STMND1: variants seen among roughly 807,000 people sequenced by gnomAD.
STMND1 encodes stathmin domain containing 1.
In STMND1, 17 loss-of-function variants were observed where a neutral mutation model predicts 23.0. The ratio of observed to expected loss-of-function variants is 0.74; its 90% CI spans 0.51 to 1.11. STMND1 has a LOEUF of 1.11. Among genes scored for constraint, STMND1 ranks in the 50% least tolerant of loss-of-function variants. The pLI, the probability that STMND1 is intolerant of heterozygous loss-of-function variation, is 0.00. For synonymous variants in STMND1, 114 were observed against 119.9 expected (o/e 0.95, Z 0.32); for missense variants, 305 against 329.1 (o/e 0.93, Z 0.57).
rs531767879 is a variant in STMND1, at chr6:17,120,440, A to C, written c.260-167A>C. 2.0e-5 allele frequency among the ~76,000 whole-genome samples: 3 copies of C among 152,334 alleles called. No homozygotes were observed. In the South Asian group the frequency reaches 6.2e-4, roughly 32 times the overall value. The stretch of plus-strand genomic sequence containing the variant: ...GTGTATCCTCTGTAAGAAAATGAAT[A>C]ATTTGAACTTCAAAGGATCACAAAG... On this transcript the variant is annotated intron_variant, in intron 2 of 4. Coordinates refer to ENST00000536551, the MANE Select transcript of STMND1 (RefSeq NM_001190766.2).
chr6:17,129,091 TAA>T lies in STMND1; in HGVS notation c.412-17_412-16del. On this transcript the variant is annotated intron_variant, in intron 3 of 4. Coordinates refer to ENST00000536551, the MANE Select transcript of STMND1 (RefSeq NM_001190766.2). ...CAGTGAATATGATTGTTTCTTCATG[TAA>T]AAAGATGTTTTATTCCAGTTGACTA... 6.5e-7 allele frequency: 1 copy of T among 1,533,614 alleles called. No homozygotes were observed. Among genetic ancestry groups the T allele is most frequent in the African/African-American group, 1.4e-5 (1 of 72,982 alleles).
At chr6:17,114,611 T>G (rs1761134043) in intron 1 of STMND1, among the ~76,000 whole-genome samples, 1 of 152,244 alleles carries the variant, frequency 6.6e-6, no homozygotes, top group African/African-American at 2.4e-5. Context: ...CCCTCGCATG[T>G]GCAGTGCACA....
chr6:17,104,370 A>G (rs1434903537), intron 1 of STMND1, among the ~76,000 whole-genome samples: 2 of 152,206 alleles, frequency 1.3e-5, no homozygotes. Context: ...AGACTTCAAC[A>G]GAAAGAAATG....
intron 1 of STMND1, chr6:17,110,761 C>T: frequency 2.2e-6 from 1 of 455,456 alleles, no homozygotes; most frequent in Middle Eastern, 3.3e-4. Flanking sequence ...GAGCAAGACT[C>T]TGTCTCAAAA....
intron 1 of STMND1, among the ~76,000 whole-genome samples, chr6:17,105,009 T>G (rs1341151902): frequency 6.6e-6 from 1 of 152,264 alleles, no homozygotes; most frequent in Non-Finnish European, 1.5e-5. Context: ...GTATAGACTT[T>G]TTTTTGTTAT....
intron 3 of STMND1, among the ~76,000 whole-genome samples, chr6:17,126,070 ATTTTTTTTTTT>A (rs1189845838): frequency 5.6e-3 from 115 of 20,460 alleles, no homozygotes; most frequent in South Asian, 0.013. Flanking sequence ...ATATATATAT[ATTTTTTTTTTT>A]TTTTTTTTTT....
At chr6:17,128,110 A>T (rs767462903) in intron 3 of STMND1, 1 of 152,198 alleles carries the variant, frequency 6.6e-6, no homozygotes, top group Admixed American at 6.5e-5. Flanking sequence ...TAATCAATCT[A>T]TATTATCTTA....
intron 3 of STMND1, among the ~76,000 whole-genome samples, chr6:17,126,068 ATATTTT>A (rs1367009761): frequency 5.1e-4 from 11 of 21,376 alleles, no homozygotes; most frequent in South Asian, 3.0e-3. Flanking sequence ...ATATATATAT[ATATTTT>A]TTTTTTTTTT....
At chr6:17,121,565 A>G (rs899375143) in intron 3 of STMND1, among the ~76,000 whole-genome samples, 4 of 152,230 alleles carry the variant, frequency 2.6e-5, no homozygotes, top group African/African-American at 9.6e-5. Flanking sequence ...CGCATGTATC[A>G]AAACATCATA....
intron 2 of STMND1, among the ~76,000 whole-genome samples, chr6:17,118,285 G>C (rs1033104223): frequency 1.3e-5 from 2 of 152,032 alleles, no homozygotes. Context: ...ATGTTAGCTA[G>C]ATAGGAAATG....
At chr6:17,111,393 G>C (rs897612528) in intron 1 of STMND1, among the ~76,000 whole-genome samples, 1 of 152,160 alleles carries the variant, frequency 6.6e-6, no homozygotes, top group African/African-American at 2.4e-5. Flanking sequence ...GGAATGATTG[G>C]ATGGGTTCAC....
intron 1 of STMND1, among the ~76,000 whole-genome samples, chr6:17,104,834 C>T (rs1172862989): frequency 2.0e-5 from 3 of 152,066 alleles, no homozygotes; most frequent in South Asian, 4.1e-4. Flanking sequence ...GTTGTGTGAC[C>T]TTTTTCAAGT....
intron 1 of STMND1, among the ~76,000 whole-genome samples, chr6:17,103,418 C>T (rs1002285040): frequency 1.3e-5 from 2 of 152,132 alleles, no homozygotes; most frequent in Admixed American, 6.5e-5. Context: ...CATTTTGAAA[C>T]AAGCAAACCA....
rs74655689 is a variant in STMND1, at chr6:17,114,948, T to C, written c.82-14T>C. ...AGAAATCTTGACTCTAACAAAACTG[T>C]TCCCTTTTCACAGGCTGATGTCAGT... On this transcript the variant is annotated splice_polypyrimidine_tract_variant and intron_variant, in intron 1 of 4. Transcript: ENST00000536551. 6.4e-5 allele frequency: 96 copies of C among 1,501,694 alleles called. No individual in the cohort carries two copies. The highest frequency in any genetic ancestry group is 1.3e-5 in the Non-Finnish European group (15 of 1,133,990). The allele number at this position is 1,501,694 out of a possible 1,614,324, so 93.0% of individuals were successfully genotyped here. A position where few individuals can be genotyped will look rare whatever the true frequency, so the allele number is the denominator to read the frequency against.
intron 1 of STMND1, among the ~76,000 whole-genome samples, chr6:17,102,627 A>G (rs1473746): frequency 0.53 from 80,060 of 152,062 alleles, 22,643 homozygotes; most frequent in African/African-American, 0.75. Context: ...TAAAGAGATT[A>G]CGAAGGTGGT....
intron 2 of STMND1, among the ~76,000 whole-genome samples, chr6:17,120,044 C>G (rs1761211004): frequency 6.6e-6 from 1 of 152,212 alleles, no homozygotes; most frequent in African/African-American, 2.4e-5. Flanking sequence ...AAAAATTTAG[C>G]TGATATCACT....
At chr6:17,111,851 G>A (rs1761100592) in intron 1 of STMND1, among the ~76,000 whole-genome samples, 1 of 152,120 alleles carries the variant, frequency 6.6e-6, no homozygotes, top group African/African-American at 2.4e-5. Flanking sequence ...ATCTGGTGAG[G>A]GCTGCCCTTC....
chr6:17,121,420 T>C (rs534223608), intron 3 of STMND1, among the ~76,000 whole-genome samples: 129 of 152,334 alleles, frequency 8.5e-4, no homozygotes, highest in African/African-American at 3.0e-3. Context: ...ACAATTTTTC[T>C]TGAGCACTAC....
chr6:17,120,809 A>T, intron 3 of STMND1, 51 bp downstream of exon 3: 1 of 1,367,438 alleles, frequency 7.3e-7, no homozygotes, highest in Non-Finnish European at 9.8e-7. Context: ...TAGCAATAGA[A>T]TATGATTGAT....
Sources: gnomAD v4.1 joint callset for allele counts (sites outside exome capture counted in the v4.1 genomes callset) on GRCh38, gnomAD v4.1.1 for gene constraint, MANE v1.5 for transcripts, NCBI Gene and HGNC (gene_info 2026-07-23, HGNC 2026-07-21) for gene names.